Variants in PABPC4L observed in about 807,000 individuals in gnomAD.
PABPC4L encodes the protein polyadenylate-binding protein 4-like.
For missense variants in PABPC4L, 452 were observed against 451.4 expected (o/e 1.00, Z -0.01); for synonymous variants, 169 against 164.1 (o/e 1.03, Z -0.23).
At position 134,200,219 on chromosome 4, in the gene PABPC4L, C is replaced by A. The variant is rs1401454622; in HGVS notation, c.801G>T (p.Lys267Asn). ...TTAACTCAGCCTGTCGCTCGACTTT[C>A]TTTTGAGCCCGGCCTACAAAAATCA... ...GQLIFVGRAQ[K>N]KVERQAELKQ... Residue 267 changes from lysine to asparagine, a missense_variant, in exon 2 of 2, where the codon AAG (lysine) becomes AAT (asparagine). Physicochemically the swap from Lys to Asn is moderately conservative, Grantham distance 94. Coordinates refer to ENST00000421491, the MANE Select transcript of PABPC4L (RefSeq NM_001114734.2). 10 of 1,551,858 alleles carry A rather than the reference C, an allele frequency of 6.4e-6. No individual in the cohort carries two copies. The highest frequency in any genetic ancestry group is 8.7e-6 in the Non-Finnish European group (10 of 1,147,066).
At chr4:134,176,742 G>A in the PABPC4L span, among the ~76,000 whole-genome samples, 2 of 152,074 alleles carry the variant, frequency 1.3e-5, no homozygotes, top group Non-Finnish European at 1.5e-5. Flanking sequence ...ACGAAGCCAG[G>A]AGAACCTCTC....
the PABPC4L span, among the ~76,000 whole-genome samples, chr4:134,161,047 G>T: frequency 6.6e-6 from 1 of 151,864 alleles, no homozygotes; most frequent in Non-Finnish European, 1.5e-5. Context: ...TTAACACAAA[G>T]AAAGAATTCC....
chr4:134,004,327 G>A, the PABPC4L span, among the ~76,000 whole-genome samples: 37 of 151,760 alleles, frequency 2.4e-4, no homozygotes, highest in African/African-American at 8.2e-4. Context: ...AAACAAGGGC[G>A]AAGGACCTGA....
At chr4:134,053,912 T>C in the PABPC4L span, among the ~76,000 whole-genome samples, 2 of 151,910 alleles carry the variant, frequency 1.3e-5, no homozygotes, top group Non-Finnish European at 2.9e-5. Flanking sequence ...CTTCCTCACC[T>C]ACCTTGCCTT....
the PABPC4L span, among the ~76,000 whole-genome samples, chr4:134,120,276 C>A: frequency 3.3e-5 from 4 of 121,534 alleles, no homozygotes; most frequent in African/African-American, 1.1e-4. Context: ...TTTTTTTTTT[C>A]CTTTTAGCCA....
At chr4:134,062,760 T>A in the PABPC4L span, among the ~76,000 whole-genome samples, 1 of 152,134 alleles carries the variant, frequency 6.6e-6, no homozygotes, top group African/African-American at 2.4e-5. Flanking sequence ...ATTTGACCAG[T>A]ACTACCTATC....
At chr4:134,201,429 ACTC>A (rs1729880286) in intron 1 of PABPC4L, among the ~76,000 whole-genome samples, 184 bp from the exon 2 acceptor site, 1 of 151,940 alleles carries the variant, frequency 6.6e-6, no homozygotes, top group Non-Finnish European at 1.5e-5. Flanking sequence ...TCAGGGAAGA[ACTC>A]CACAAGCGGA....
the PABPC4L span, among the ~76,000 whole-genome samples, chr4:134,100,536 T>G: frequency 6.6e-6 from 1 of 151,682 alleles, no homozygotes; most frequent in East Asian, 1.9e-4. Context: ...GCTGAGTGCA[T>G]GAATACAATA....
chr4:134,091,460 C>G, the PABPC4L span, among the ~76,000 whole-genome samples: 1 of 151,776 alleles, frequency 6.6e-6, no homozygotes, highest in African/African-American at 2.4e-5. Flanking sequence ...TCTTTAGGAA[C>G]TTTCATCTCT....
At chr4:133,998,195 A>G in the PABPC4L span, among the ~76,000 whole-genome samples, 2 of 151,894 alleles carry the variant, frequency 1.3e-5, no homozygotes, top group African/African-American at 2.4e-5. Context: ...TTTCATTAAT[A>G]TATTAATTAT....
the PABPC4L span, among the ~76,000 whole-genome samples, chr4:133,963,293 C>T: frequency 6.6e-6 from 1 of 152,170 alleles, no homozygotes; most frequent in East Asian, 1.9e-4. Flanking sequence ...GAAAATATTA[C>T]AATCCTAAAC....
At chr4:133,992,864 C>G in the PABPC4L span, among the ~76,000 whole-genome samples, 2 of 152,050 alleles carry the variant, frequency 1.3e-5, no homozygotes, top group African/African-American at 4.8e-5. Flanking sequence ...AGGTGATGTT[C>G]GGGGCTTGTG....
the PABPC4L span, among the ~76,000 whole-genome samples, chr4:134,090,727 C>T: frequency 2.8e-4 from 42 of 151,588 alleles, 1 homozygote; most frequent in African/African-American, 9.4e-4. Flanking sequence ...TATACCATTG[C>T]ACTCCAGCCT....
chr4:134,129,692 A>C, the PABPC4L span, among the ~76,000 whole-genome samples: 1 of 152,110 alleles, frequency 6.6e-6, no homozygotes. Flanking sequence ...ACTGAATGAT[A>C]ATAGTGACAA....
the PABPC4L span, among the ~76,000 whole-genome samples, chr4:133,977,291 T>A: frequency 6.6e-6 from 1 of 152,154 alleles, no homozygotes; most frequent in African/African-American, 2.4e-5. Flanking sequence ...TTTGTACTAG[T>A]AGCATGCTGA....
chr4:134,037,984 T>A, the PABPC4L span, among the ~76,000 whole-genome samples: 1 of 152,188 alleles, frequency 6.6e-6, no homozygotes, highest in Admixed American at 6.6e-5. Context: ...CTTATTATTT[T>A]GAGATACGTT....
the PABPC4L span, among the ~76,000 whole-genome samples, chr4:134,072,497 G>A: frequency 6.6e-6 from 1 of 152,142 alleles, no homozygotes; most frequent in Non-Finnish European, 1.5e-5. Context: ...AGAATTGTAG[G>A]TGTGTTTTCT....
At chr4:134,081,919 A>T in the PABPC4L span, among the ~76,000 whole-genome samples, 1 of 152,126 alleles carries the variant, frequency 6.6e-6, no homozygotes. Context: ...CTGACAATTG[A>T]CAACACTTAA....
the PABPC4L span, among the ~76,000 whole-genome samples, chr4:133,971,106 C>CTTTTTT: frequency 9.4e-5 from 6 of 63,968 alleles, no homozygotes; most frequent in Admixed American, 2.6e-4. Context: ...ATCTTATATT[C>CTTTTTT]TTTTTTTTTT....
Sources: gnomAD v4.1 joint callset for allele counts (sites outside exome capture counted in the v4.1 genomes callset) on GRCh38, gnomAD v4.1.1 for gene constraint, MANE v1.5 for transcripts, NCBI Gene and HGNC (gene_info 2026-07-23, HGNC 2026-07-21) for gene names.